FEZ1: variants seen among roughly 807,000 people sequenced by gnomAD.
The protein encoded by FEZ1 is fasciculation and elongation protein zeta 1.
In FEZ1, 20 loss-of-function variants were observed where a neutral mutation model predicts 49.3. The ratio of observed to expected loss-of-function variants is 0.41; its 90% CI spans 0.29 to 0.59. The LOEUF is 0.59. Among genes scored for constraint, FEZ1 ranks in the 20% least tolerant of loss-of-function variants. The probability of loss-of-function intolerance (pLI) is 0.36; values close to 1 mark genes in which losing one functional copy is unlikely to be tolerated. For synonymous variants in FEZ1, 170 were observed against 180.9 expected, an observed-to-expected ratio of 0.94 and a Z score of 0.48; for missense variants, 413 against 476.0, an observed-to-expected ratio of 0.87 and a Z score of 1.23.
intron 3 of FEZ1, among the ~76,000 whole-genome samples, chr11:125,469,951 G>A (rs1957169264): frequency 6.6e-6 from 1 of 151,914 alleles, no homozygotes; most frequent in Non-Finnish European, 1.5e-5. Context: ...CTAGGATCAA[G>A]GGATCCCCCT....
At chr11:125,483,593 C>T (rs2849222) in intron 2 of FEZ1, among the ~76,000 whole-genome samples, 104,921 of 152,084 alleles carry the variant, frequency 0.69, 36,846 homozygotes, top group East Asian at 0.93. Flanking sequence ...CAAGACAAAA[C>T]TCCAAGGCAC....
intron 9 of FEZ1, among the ~76,000 whole-genome samples, chr11:125,447,161 C>T (rs1003937518): frequency 3.3e-5 from 5 of 152,170 alleles, no homozygotes; most frequent in Admixed American, 3.3e-4. Context: ...GTCTGGAAAC[C>T]TATAACCACC....
chr11:125,488,496 T>C (rs952544102), intron 2 of FEZ1, among the ~76,000 whole-genome samples: 1 of 152,102 alleles, frequency 6.6e-6, no homozygotes, highest in Non-Finnish European at 1.5e-5. Flanking sequence ...CTGGCCAACA[T>C]GGTGAAACTC....
chr11:125,493,405 A>G (rs531784804), intron 1 of FEZ1, among the ~76,000 whole-genome samples: 15 of 73,560 alleles, frequency 2.0e-4, no homozygotes, highest in East Asian at 7.1e-4. Context: ...AAAGAAAGAA[A>G]GAAAGAAAGA....
At chr11:125,471,117 G>A (rs1957179225) in intron 3 of FEZ1, among the ~76,000 whole-genome samples, 1 of 152,002 alleles carries the variant, frequency 6.6e-6, no homozygotes, top group African/African-American at 2.4e-5. Context: ...TCCAACAGAA[G>A]ACATAAGATG....
intron 2 of FEZ1, among the ~76,000 whole-genome samples, chr11:125,487,241 C>T (rs537409549): frequency 2.6e-5 from 4 of 152,190 alleles, no homozygotes; most frequent in South Asian, 2.1e-4. Context: ...AGGAATGGGA[C>T]GCATCTTGAA....
In FEZ1 at chr11:125,444,918, A is replaced by T. The variant is rs2135730736; in HGVS notation, c.*1177T>A. Among the ~76,000 whole-genome samples the T allele has an allele frequency of 1.3e-5, 2 of 152,330 alleles. 1 individual carries two copies. The highest frequency in any genetic ancestry group is 4.1e-4 in the South Asian group (2 of 4,828). On this transcript the variant is annotated 3_prime_UTR_variant, in exon 10 of 10. Transcript: ENST00000278919. ...GTGATGCTGTGATGTGTGCTAATGCACGATGAAGCCAGTGCAGGCTACAGC... is the reference window on the plus strand; with the variant it reads ...GTGATGCTGTGATGTGTGCTAATGCTCGATGAAGCCAGTGCAGGCTACAGC...
In FEZ1 at chr11:125,460,496, A is replaced by C. The variant is rs1957063388; in HGVS notation, c.667+2T>G. On this transcript the variant is annotated splice_donor_variant, in intron 5 of 9. Coordinates refer to ENST00000278919, the MANE Select transcript of FEZ1 (RefSeq NM_005103.5). LOFTEE classifies it high-confidence loss of function. The stretch of plus-strand genomic sequence containing the variant: ...GGCCAGCCCAGCGCCCAGGGCCCTC[A>C]CCTTCATAGGACCAGTTGTTGTTGA... 6.2e-7 allele frequency: 1 copy of C among 1,613,046 alleles called. No homozygotes were observed. The highest frequency in any genetic ancestry group is 8.5e-7 in the Non-Finnish European group (1 of 1,179,566).
rs570726276 is a variant in FEZ1, at chr11:125,445,226, T to C, written c.*869A>G. Among the ~76,000 whole-genome samples the C allele has an allele frequency of 5.2e-4, 79 of 152,328 alleles. No individual in the cohort carries two copies. The highest frequency in any genetic ancestry group is 8.8e-4 in the Non-Finnish European group (60 of 68,034). On this transcript the variant is annotated 3_prime_UTR_variant, in exon 10 of 10. Transcript: ENST00000278919. This position sits in a 1 kb window ranked among gnomAD's most constrained non-coding sequence, Gnocchi z 4.4. Reference sequence around the variant, plus strand: ...CAAAGGACACTGTTGCCAGGGGTCGTTGGGGACAAACAGGGAGTGGTGGTT... The same window carrying C: ...CAAAGGACACTGTTGCCAGGGGTCGCTGGGGACAAACAGGGAGTGGTGGTT...
chr11:125,485,822 T>C (rs1591601248), intron 2 of FEZ1, among the ~76,000 whole-genome samples: 1 of 150,638 alleles, frequency 6.6e-6, no homozygotes, highest in East Asian at 1.9e-4. Flanking sequence ...AGCGTTTGCC[T>C]GTAATCCCAG....
At chr11:125,449,785 T>C (rs1956936867) in intron 8 of FEZ1, among the ~76,000 whole-genome samples, 1 of 152,180 alleles carries the variant, frequency 6.6e-6, no homozygotes, top group African/African-American at 2.4e-5. Context: ...TCGATATCCT[T>C]GTCCTCCTTT....
intron 2 of FEZ1, chr11:125,488,716 TC>T (rs1957352880): frequency 1.7e-5 from 17 of 983,526 alleles, no homozygotes; most frequent in Non-Finnish European, 2.1e-5. Flanking sequence ...AAAAAACACA[TC>T]CCCCGAGGAT....
rs572995591 is a variant in FEZ1 at position 125,495,441 on chromosome 11, C to A, written c.-46+680G>T. On this transcript the variant is annotated intron_variant, in intron 1 of 9. Transcript: ENST00000278919. The surrounding 1 kb of genome is among the most constrained non-coding windows in gnomAD (Gnocchi z 4.2). Reference sequence around the variant, plus strand: ...CGCATTCCAGAGCCCGGGGCCCACCCGACGGCAGCGCGCCCCGCCACCGCG... The same window carrying A: ...CGCATTCCAGAGCCCGGGGCCCACCAGACGGCAGCGCGCCCCGCCACCGCG... 73 of 470,348 alleles carry A rather than the reference C, an allele frequency of 1.6e-4. No homozygotes were observed. The East Asian group carries it at 3.6e-3, about 23-fold the overall frequency. 29.1% of individuals were successfully genotyped at this position (470,348 alleles called of 1,614,324 possible).
chr11:125,452,315 G>A lies in FEZ1; in HGVS notation c.1096+19C>T. 6.4e-7 allele frequency: 1 copy of A among 1,560,276 alleles called. No homozygotes were observed. The highest frequency in any genetic ancestry group is 8.8e-7 in the Non-Finnish European group (1 of 1,130,770). The stretch of plus-strand genomic sequence containing the variant: ...AGAAAAAGGAGCCACTGATCTGGCT[G>A]AGAACAAGAGGAACTCACTGTTTGT... On this transcript the variant is annotated intron_variant, in intron 8 of 9. Transcript: ENST00000278919.
Position 125,460,609 on chromosome 11 carries a change from C to T in FEZ1, c.556G>A (p.Glu186Lys), listed in dbSNP as rs1957065537. The change falls in exon 5 of 10, where the codon GAG (glutamate) becomes AAG (lysine). Residue 186 changes from glutamate to lysine, a missense_variant. Glu to Lys is a moderately conservative substitution (Grantham distance 56). Transcript: ENST00000278919. The stretch of plus-strand genomic sequence containing the variant: ...CCTCCATCCTCTTCTTCCAGAACCT[C>T]CTCTTCTTCCTCAGGGTCTGGGGAG... ...QNSPDPEEEEEVLEEEDGGET... is the reference protein window; with the variant it reads ...QNSPDPEEEEKVLEEEDGGET... 2.5e-6 allele frequency: 4 copies of T among 1,614,020 alleles called. No homozygotes were observed. Among genetic ancestry groups the T allele is most frequent in the Admixed American group, 3.3e-5 (2 of 59,998 alleles).
At chr11:125,449,382 A>G (rs1247240654) in intron 8 of FEZ1, among the ~76,000 whole-genome samples, 1 of 133,090 alleles carries the variant, frequency 7.5e-6, no homozygotes, top group Non-Finnish European at 1.6e-5. Flanking sequence ...CAAGAAAAAG[A>G]CCATCCTGGA....
intron 5 of FEZ1, among the ~76,000 whole-genome samples, chr11:125,457,429 A>ATATAT (rs1555178498): frequency 1.4e-4 from 3 of 20,910 alleles, no homozygotes; most frequent in African/African-American, 2.0e-4. Context: ...AAAAAAAAAA[A>ATATAT]ATATATATAT....
rs116405817 is a variant in FEZ1 at position 125,478,951 on chromosome 11, T to C, written c.411+2583A>G. Among the ~76,000 whole-genome samples the C allele has an allele frequency of 7.2e-3, 1,103 of 152,312 alleles. 13 individuals are homozygous for C. Among genetic ancestry groups the C allele is most frequent in the African/African-American group, 0.025 (1,055 of 41,570 alleles). On this transcript the variant is annotated intron_variant, in intron 3 of 9. Transcript: ENST00000278919. Reference sequence around the variant, plus strand: ...CCTTTTGTACCATGACGGACCTGATTTAATTTCAGTAACTAGATTTATTCC... The same window carrying C: ...CCTTTTGTACCATGACGGACCTGATCTAATTTCAGTAACTAGATTTATTCC...
At chr11:125,470,275 T>G (rs72645490) in intron 3 of FEZ1, among the ~76,000 whole-genome samples, 20,154 of 152,132 alleles carry the variant, frequency 0.13, 1,846 homozygotes, top group Admixed American at 0.3. Flanking sequence ...GAAAAAAATT[T>G]TAAAAACACA....
Sources: gnomAD v4.1 joint callset for allele counts (sites outside exome capture counted in the v4.1 genomes callset) on GRCh38, gnomAD v4.1.1 for gene constraint, Gnocchi (gnomAD v3.1) non-coding constraint, MANE v1.5 for transcripts, NCBI Gene and HGNC (gene_info 2026-07-23, HGNC 2026-07-21) for gene names.